Variants in PALS2 observed in about 807,000 individuals in gnomAD.
PALS2 encodes protein associated with LIN7 2, MAGUK p55 family member.
A neutral mutation model predicts 61.6 loss-of-function variants in PALS2; 27 were observed. The observed-to-expected ratio is 0.44, with a 90% confidence interval of 0.32 to 0.60. PALS2 has a LOEUF of 0.60. Ranked by LOEUF, PALS2 falls within the 20% of genes least tolerant of loss-of-function variation. The pLI is 0.05. For missense variants in PALS2, 554 were observed against 639.4 expected, an observed-to-expected ratio of 0.87 and a Z score of 1.44; for synonymous variants, 236 against 218.6, an observed-to-expected ratio of 1.08 and a Z score of -0.70.
At chr7:24,619,936 C>T (rs1784432825) in intron 1 of PALS2, 1 of 151,982 alleles carries the variant, frequency 6.6e-6, no homozygotes, top group Non-Finnish European at 1.5e-5. Flanking sequence ...CTTTGTAAGG[C>T]TCCCATTCCA....
intron 9 of PALS2, among the ~76,000 whole-genome samples, chr7:24,677,880 A>T (rs1159183007): frequency 1.3e-5 from 2 of 152,186 alleles, no homozygotes; most frequent in African/African-American, 2.4e-5. Flanking sequence ...ATACATAATG[A>T]TCTCATTTGA....
chr7:24,677,187 T>C (rs1281978417), intron 9 of PALS2, among the ~76,000 whole-genome samples: 1 of 152,220 alleles, frequency 6.6e-6, no homozygotes, highest in Non-Finnish European at 1.5e-5. Context: ...GTTGTTGGTG[T>C]ATAAGAATGC....
intron 3 of PALS2, among the ~76,000 whole-genome samples, chr7:24,644,866 G>A (rs893006736): frequency 1.7e-4 from 26 of 152,122 alleles, no homozygotes; most frequent in African/African-American, 6.3e-4. Flanking sequence ...GTGTCTCATT[G>A]TGGTTTTGAT....
chr7:24,593,815 T>A (rs1367149194), intron 1 of PALS2, among the ~76,000 whole-genome samples: 1 of 152,090 alleles, frequency 6.6e-6, no homozygotes, highest in East Asian at 1.9e-4. Flanking sequence ...AGAGTAGATT[T>A]AGCATAATTT....
rs116470200 is a variant in PALS2 at position 24,618,160 on chromosome 7, C to G, written c.-2-5506C>G. ...CATGGGTGTGCAACTACCCGGCCAC[C>G]ATGGGGACATGTCAGCTGCTCAGTT... On this transcript the variant is annotated intron_variant, in intron 1 of 11. Transcript: ENST00000222644. This position sits in a 1 kb window ranked among gnomAD's most constrained non-coding sequence, Gnocchi z 5.1. Among the ~76,000 whole-genome samples the G allele has an allele frequency of 0.016, 2,451 of 152,244 alleles. 81 individuals are homozygous for G. Among genetic ancestry groups the G allele is most frequent in the African/African-American group, 0.057 (2,347 of 41,518 alleles).
intron 2 of PALS2, among the ~76,000 whole-genome samples, chr7:24,636,332 A>G (rs538895974): frequency 1.6e-4 from 24 of 151,964 alleles, no homozygotes; most frequent in African/African-American, 5.8e-4. Context: ...CCATATTCTC[A>G]TTAGCATGAT....
rs1457634605 is a variant in PALS2, at chr7:24,679,051, T to G, written c.1115-80T>G. The G allele has an allele frequency of 3.8e-6, 5 of 1,307,364 alleles. No individual in the cohort carries two copies. The Admixed American group carries it at 5.4e-5, about 14-fold the overall frequency. The allele number at this position is 1,307,364 out of a possible 1,614,324, so 81.0% of individuals were successfully genotyped here. On this transcript the variant is annotated intron_variant, in intron 9 of 11. Transcript: ENST00000222644. ...TTTGCTGCACCCAGTGGAAAAACGT[T>G]AAGCCACCCTATGTATTTTAGTCTA...
intron 9 of PALS2, among the ~76,000 whole-genome samples, chr7:24,675,311 C>T (rs1036464685): frequency 6.6e-6 from 1 of 151,448 alleles, no homozygotes; most frequent in South Asian, 2.1e-4. Context: ...TGAACCAAGT[C>T]CTATTATGCA....
At position 24,654,294 on chromosome 7, in the gene PALS2, A is replaced by G. The variant is rs139093758; in HGVS notation, c.651+3582A>G. Among the ~76,000 whole-genome samples, 16 of 152,148 alleles carry G rather than the reference A, an allele frequency of 1.1e-4. No individual in the cohort carries two copies. In the East Asian group the frequency reaches 2.9e-3, roughly 28 times the overall value. On this transcript the variant is annotated intron_variant, in intron 5 of 11. Transcript: ENST00000222644. ...TTCTTGAAGGATCCATAAGTACAGTATGACAAAAATAAATTATACAAGCAA... is the reference window on the plus strand; with the variant it reads ...TTCTTGAAGGATCCATAAGTACAGTGTGACAAAAATAAATTATACAAGCAA...
At chr7:24,585,470 A>G (rs1265776697) in intron 1 of PALS2, among the ~76,000 whole-genome samples, 1 of 152,128 alleles carries the variant, frequency 6.6e-6, no homozygotes, top group Non-Finnish European at 1.5e-5. Context: ...TAGAGATAGC[A>G]TAACTTGGAT....
At chr7:24,622,810 G>A (rs1171764194) in intron 1 of PALS2, among the ~76,000 whole-genome samples, 1 of 150,886 alleles carries the variant, frequency 6.6e-6, no homozygotes, top group Admixed American at 6.6e-5. Context: ...TATGATATTA[G>A]CTGTGGGTTT....
At chr7:24,684,715 C>CA (rs1788106070) in intron 11 of PALS2, among the ~76,000 whole-genome samples, 1 of 152,164 alleles carries the variant, frequency 6.6e-6, no homozygotes, top group Non-Finnish European at 1.5e-5. Flanking sequence ...TTGATAGCTT[C>CA]AAATGAAATT....
rs900667287 is a variant in PALS2 at position 24,685,634 on chromosome 7, T to A, written c.1447-1804T>A. ...GTTCCATCTGTATGGCATACTCCGT[T>A]ATTGTTAACAGGGTTTTTTTTTTTT... On this transcript the variant is annotated intron_variant, in intron 11 of 11. Coordinates refer to ENST00000222644, the MANE Select transcript of PALS2 (RefSeq NM_001303037.2). 2.0e-5 allele frequency among the ~76,000 whole-genome samples: 3 copies of A among 149,970 alleles called. No individual in the cohort carries two copies. In the East Asian group the frequency reaches 5.9e-4, roughly 30 times the overall value.
chr7:24,671,979 C>T (rs963856971), intron 9 of PALS2, among the ~76,000 whole-genome samples: 5 of 151,468 alleles, frequency 3.3e-5, no homozygotes, highest in African/African-American at 1.2e-4. Context: ...AATTGTGAAC[C>T]CAACTTGTTC....
At chr7:24,625,749 T>A (rs1215169550) in intron 2 of PALS2, among the ~76,000 whole-genome samples, 1 of 152,220 alleles carries the variant, frequency 6.6e-6, no homozygotes, top group Non-Finnish European at 1.5e-5. Context: ...AAGGTGCTAC[T>A]GTACTCTTTT....
rs1438970038 is a variant in PALS2, at chr7:24,596,357, G to C, written c.-3+22764G>C. On this transcript the variant is annotated intron_variant, in intron 1 of 11. Transcript: ENST00000222644. The surrounding 1 kb of genome is among the most constrained non-coding windows in gnomAD (Gnocchi z 4.5). ...GAAGAACCAGTTTATCATTGGATCT[G>C]TTATGAATTCTAGGTATTTTTGTAA... Among the ~76,000 whole-genome samples, 1 of 152,026 alleles carries C rather than the reference G, an allele frequency of 6.6e-6. No homozygotes were observed. The highest frequency in any genetic ancestry group is 1.9e-4 in the East Asian group (1 of 5,192).
At chr7:24,633,327 A>T (rs1474397064) in intron 2 of PALS2, among the ~76,000 whole-genome samples, 5 of 139,800 alleles carry the variant, frequency 3.6e-5, no homozygotes, top group African/African-American at 5.2e-5. Context: ...ACTTTACTGG[A>T]TAGGTAATTC....
At chr7:24,597,168 C>G (rs1039818832) in intron 1 of PALS2, 2 of 151,948 alleles carry the variant, frequency 1.3e-5, no homozygotes, top group Admixed American at 1.3e-4. Context: ...TGGGGAAAAA[C>G]GTAAAGAAGG....
chr7:24,592,333 G>A (rs570253298), intron 1 of PALS2, among the ~76,000 whole-genome samples: 5 of 152,194 alleles, frequency 3.3e-5, no homozygotes, highest in Admixed American at 6.6e-5. Context: ...GCAGTATGAA[G>A]CAATGAATCT....
Sources: allele counts gnomAD v4.1 joint callset (sites outside exome capture counted in the v4.1 genomes callset), GRCh38; gene constraint gnomAD v4.1.1; non-coding constraint Gnocchi (gnomAD v3.1); transcripts MANE v1.5; gene names NCBI Gene and HGNC (gene_info 2026-07-23, HGNC 2026-07-21).